ATXN1: variants seen among roughly 807,000 people sequenced by gnomAD.
ATXN1 encodes ataxin 1.
Under a neutral mutation model 56.4 loss-of-function variants are expected in ATXN1, and 8 were observed. The ratio of observed to expected loss-of-function variants is 0.14; its 90% CI spans 0.08 to 0.26. ATXN1 has a LOEUF of 0.26. Ranked by LOEUF, ATXN1 falls within the 10% of genes least tolerant of loss-of-function variation. The probability of loss-of-function intolerance (pLI) is 1.00; values close to 1 mark genes in which losing one functional copy is unlikely to be tolerated. For missense variants in ATXN1, 987 were observed against 1,106.5 expected (o/e 0.89, Z 1.53); for synonymous variants, 514 against 494.6 (o/e 1.04, Z -0.52).
At chr6:16,723,564 C>G (rs1048351507) in intron 2 of ATXN1, among the ~76,000 whole-genome samples, 2 of 152,136 alleles carry the variant, frequency 1.3e-5, no homozygotes, top group South Asian at 4.1e-4. Context: ...CATTTCCCCT[C>G]GTAGGCTAAA....
intron 5 of ATXN1, among the ~76,000 whole-genome samples, chr6:16,505,742 G>A (rs1325757963): frequency 6.6e-6 from 1 of 152,152 alleles, no homozygotes; most frequent in Non-Finnish European, 1.5e-5. Context: ...CACTCTCAGG[G>A]AGAACCGACA....
chr6:16,678,273 G>A (rs1758727952), intron 2 of ATXN1, among the ~76,000 whole-genome samples: 2 of 151,468 alleles, frequency 1.3e-5, no homozygotes, highest in Admixed American at 1.3e-4. Context: ...TAATTCTTTT[G>A]ATTTTGAGAA....
At chr6:16,568,629 G>A (rs967393639) in intron 4 of ATXN1, among the ~76,000 whole-genome samples, 1 of 150,904 alleles carries the variant, frequency 6.6e-6, no homozygotes, top group Non-Finnish European at 1.5e-5. Context: ...ACTTACAAAT[G>A]AACTTTCTTT....
intron 2 of ATXN1, among the ~76,000 whole-genome samples, chr6:16,682,618 G>A (rs888269781): frequency 5.9e-5 from 9 of 152,108 alleles, no homozygotes; most frequent in African/African-American, 2.2e-4. Flanking sequence ...AATTTATCAG[G>A]ACCCTTAGTC....
chr6:16,395,774 T>C lies in ATXN1; in HGVS notation c.-160-67304A>G, dbSNP rs547917926. Among the ~76,000 whole-genome samples, 174 of 152,190 alleles carry C rather than the reference T, an allele frequency of 1.1e-3. No individual in the cohort carries two copies. The Middle Eastern group carries it at 0.017, about 15-fold the overall frequency. On this transcript the variant is annotated intron_variant, in intron 6 of 7. Transcript: ENST00000436367. ...GGCTCATGCCTGTAATCCCAGCACT[T>C]TGGGAGGCCAAGGTGGGCAGATCAC...
chr6:16,537,731 G>GAA (rs537414371), intron 4 of ATXN1, among the ~76,000 whole-genome samples: 1 of 139,276 alleles, frequency 7.2e-6, no homozygotes. Context: ...AAGAAAAAAA[G>GAA]AAAAAAAAAA....
At chr6:16,674,051 T>TATATATATATATATATATATATATATATA (rs559330521) in intron 2 of ATXN1, among the ~76,000 whole-genome samples, 17 of 151,822 alleles carry the variant, frequency 1.1e-4, no homozygotes, top group African/African-American at 3.6e-4. Flanking sequence ...CTAACGTGTT[T>TATATATATATATATATATATATATATATA]TATATATATA....
chr6:16,331,163 G>A (rs1370465655), intron 6 of ATXN1, among the ~76,000 whole-genome samples: 1 of 152,096 alleles, frequency 6.6e-6, no homozygotes, highest in South Asian at 2.1e-4. Context: ...GCCATGCCTG[G>A]CTAATTTTTG....
intron 2 of ATXN1, among the ~76,000 whole-genome samples, chr6:16,706,712 A>G (rs1759415047): frequency 7.5e-6 from 1 of 133,462 alleles, no homozygotes; most frequent in Non-Finnish European, 1.6e-5. Flanking sequence ...CGACAGAGCA[A>G]GACTCCATCT....
At chr6:16,589,748 T>C (rs1432683007) in intron 3 of ATXN1, among the ~76,000 whole-genome samples, 1 of 152,258 alleles carries the variant, frequency 6.6e-6, no homozygotes, top group Non-Finnish European at 1.5e-5. Context: ...AAGCTGAATT[T>C]ACAACTTATG....
chr6:16,733,638 G>A (rs918738297), intron 2 of ATXN1, among the ~76,000 whole-genome samples: 2 of 152,082 alleles, frequency 1.3e-5, no homozygotes, highest in African/African-American at 2.4e-5. Flanking sequence ...GGCCGAGGTC[G>A]GGAGTTCAAG....
chr6:16,362,230 T>C (rs763585393), intron 6 of ATXN1, among the ~76,000 whole-genome samples: 5 of 152,202 alleles, frequency 3.3e-5, no homozygotes, highest in Non-Finnish European at 7.3e-5. Context: ...AAGTAGCTCT[T>C]GATCTGACTG....
At chr6:16,686,232 G>C (rs1057167818) in intron 2 of ATXN1, among the ~76,000 whole-genome samples, 27 of 152,054 alleles carry the variant, frequency 1.8e-4, no homozygotes, top group Non-Finnish European at 2.4e-4. Context: ...ATAACACAGA[G>C]TCTTAAATTT....
In ATXN1 at chr6:16,760,206, G is replaced by A. The variant is rs1761037114; in HGVS notation, c.-730+1092C>T. ...GAGTGAACGAGCAGTGGGGCTCCAGGGCGCATCCCAATCCCCGCAGCGCCT... is the reference window on the plus strand; with the variant it reads ...GAGTGAACGAGCAGTGGGGCTCCAGAGCGCATCCCAATCCCCGCAGCGCCT... On this transcript the variant is annotated intron_variant, in intron 1 of 7. Transcript: ENST00000436367. This position sits in a 1 kb window ranked among gnomAD's most constrained non-coding sequence, Gnocchi z 5.3. 1.3e-5 allele frequency among the ~76,000 whole-genome samples: 2 copies of A among 151,936 alleles called. No individual in the cohort carries two copies. The highest frequency in any genetic ancestry group is 4.8e-5 in the African/African-American group (2 of 41,380).
chr6:16,584,291 TAC>T (rs1181318817), intron 4 of ATXN1, among the ~76,000 whole-genome samples: 14 of 141,902 alleles, frequency 9.9e-5, no homozygotes, highest in South Asian at 2.2e-4. Context: ...TATATATATA[TAC>T]ACACACACAT....
chr6:16,682,134 G>T (rs1758824918), intron 2 of ATXN1, among the ~76,000 whole-genome samples: 1 of 151,300 alleles, frequency 6.6e-6, no homozygotes, highest in African/African-American at 2.4e-5. Context: ...TCTTATTAAA[G>T]ATTCCCAGGC....
At chr6:16,423,031 A>T (rs1759068162) in intron 6 of ATXN1, among the ~76,000 whole-genome samples, 1 of 152,216 alleles carries the variant, frequency 6.6e-6, no homozygotes, top group Non-Finnish European at 1.5e-5. Flanking sequence ...TTCATTTTTC[A>T]TAAAGGGACA....
chr6:16,706,397 G>A (rs1245704598), intron 2 of ATXN1, among the ~76,000 whole-genome samples: 4 of 152,168 alleles, frequency 2.6e-5, no homozygotes, highest in African/African-American at 9.6e-5. Flanking sequence ...AATGGAGAAA[G>A]AGAACGAGAG....
Position 16,410,475 on chromosome 6 carries a change from C to T in ATXN1, c.-161+75497G>A, listed in dbSNP as rs1353214601. On this transcript the variant is annotated intron_variant, in intron 6 of 7. Transcript: ENST00000436367. This position sits in a 1 kb window ranked among gnomAD's most constrained non-coding sequence, Gnocchi z 4.6. ...GGATTTCTGACGAATACCTCAGAGG[C>T]TATGTTGGGCTTTTTCTGATGTAGC... is the stretch of plus-strand genomic sequence containing the variant. 6.6e-6 allele frequency among the ~76,000 whole-genome samples: 1 copy of T among 152,134 alleles called. No homozygotes were observed. Among genetic ancestry groups the T allele is most frequent in the Non-Finnish European group, 1.5e-5 (1 of 68,034 alleles).
Sources: gnomAD v4.1 joint callset for allele counts (sites outside exome capture counted in the v4.1 genomes callset) on GRCh38, gnomAD v4.1.1 for gene constraint, Gnocchi (gnomAD v3.1) non-coding constraint, MANE v1.5 for transcripts, NCBI Gene and HGNC (gene_info 2026-07-23, HGNC 2026-07-21) for gene names.